NOL4: variants seen among roughly 807,000 people sequenced by gnomAD.
The protein encoded by NOL4 is cancer/testis antigen 125.
In NOL4, 17 loss-of-function variants were observed where a neutral mutation model predicts 75.9. The observed-to-expected ratio is 0.22, with a 90% CI of 0.15 to 0.34. The LOEUF (loss-of-function observed/expected upper bound fraction) is 0.34, where lower values mean the gene tolerates loss of function less well. Ranked by LOEUF, NOL4 falls within the 10% of genes least tolerant of loss-of-function variation. NOL4 has a pLI of 1.00. For missense variants in NOL4, 614 were observed against 793.5 expected (o/e 0.77, Z 2.72); for synonymous variants, 292 against 289.9 (o/e 1.01, Z -0.07).
intron 1 of NOL4, among the ~76,000 whole-genome samples, chr18:34,178,678 T>C (rs2033770240): frequency 6.6e-6 from 1 of 151,654 alleles, no homozygotes; most frequent in African/African-American, 2.4e-5. Flanking sequence ...TATGTGTACT[T>C]AACAACAGAG....
intron 9 of NOL4, among the ~76,000 whole-genome samples, chr18:33,916,400 C>T (rs1325820888): frequency 1.3e-5 from 2 of 152,034 alleles, no homozygotes; most frequent in Admixed American, 6.6e-5. Flanking sequence ...CATTAGGGAC[C>T]GGCGGCTCAT....
rs140348667 is a variant in NOL4, at chr18:34,070,654, A to G, written c.772+22811T>C. ...TGAGTGTAAAATAAAGACACAGCCC[A>G]TAAACAATGGCTGAGAGAATCTGTC... is the stretch of plus-strand genomic sequence containing the variant. On this transcript the variant is annotated intron_variant, in intron 5 of 10. Coordinates refer to ENST00000261592, the MANE Select transcript of NOL4 (RefSeq NM_003787.5). Among the ~76,000 whole-genome samples, 202 of 152,376 alleles carry G rather than the reference A, an allele frequency of 1.3e-3. 7 individuals are homozygous for G. In the East Asian group the frequency reaches 0.035, roughly 26 times the overall value.
At chr18:34,107,479 T>A (rs1313069984) in intron 2 of NOL4, among the ~76,000 whole-genome samples, 1 of 152,060 alleles carries the variant, frequency 6.6e-6, no homozygotes, top group Non-Finnish European at 1.5e-5. Context: ...AATAGTTTTC[T>A]TGGTGTTTAG....
At chr18:34,187,502 G>A (rs1175508400) in intron 1 of NOL4, among the ~76,000 whole-genome samples, 4 of 147,900 alleles carry the variant, frequency 2.7e-5, no homozygotes, top group South Asian at 4.4e-4. Flanking sequence ...TCAGCCTCCC[G>A]CGTAGCTGGG....
rs73416402 is a variant in NOL4 at position 34,093,123 on chromosome 18, G to A, written c.772+342C>T. ...TCATATTTAAATGCTTAATTTAGTC[G>A]GAAGAATGACAGCCCAAGAAATCAA... On this transcript the variant is annotated intron_variant, in intron 5 of 10. Coordinates refer to ENST00000261592, the MANE Select transcript of NOL4 (RefSeq NM_003787.5). Among the ~76,000 whole-genome samples the A allele has an allele frequency of 4.7e-3, 709 of 152,080 alleles. 9 individuals are homozygous for A. Among genetic ancestry groups the A allele is most frequent in the African/African-American group, 0.016 (644 of 41,500 alleles).
intron 1 of NOL4, chr18:34,221,350 ATAAAT>A (rs1416296885): frequency 2.0e-5 from 3 of 152,242 alleles, no homozygotes; most frequent in African/African-American, 4.8e-5. Context: ...AATTCTAACA[ATAAAT>A]TATTTTTCTA....
chr18:34,207,647 C>G (rs2036214593), intron 1 of NOL4, among the ~76,000 whole-genome samples: 1 of 152,170 alleles, frequency 6.6e-6, no homozygotes. Context: ...TCTCTAATTC[C>G]CAACAGATTA....
chr18:33,989,582 G>C (rs906288195), intron 6 of NOL4, among the ~76,000 whole-genome samples: 6 of 152,056 alleles, frequency 3.9e-5, no homozygotes, highest in Admixed American at 3.3e-4. Flanking sequence ...GAGACAGAGG[G>C]AAGATGACAT....
At chr18:34,040,991 A>G (rs1177893972) in intron 5 of NOL4, among the ~76,000 whole-genome samples, 2 of 152,002 alleles carry the variant, frequency 1.3e-5, no homozygotes, top group Admixed American at 6.6e-5. Context: ...CTGATAATCA[A>G]AAATATTCTA....
At chr18:34,160,120 G>A (rs568251082) in intron 1 of NOL4, among the ~76,000 whole-genome samples, 29 of 152,078 alleles carry the variant, frequency 1.9e-4, no homozygotes, top group Non-Finnish European at 3.4e-4. Flanking sequence ...AAGTCAACGG[G>A]GACTCTTGCC....
intron 9 of NOL4, among the ~76,000 whole-genome samples, chr18:33,903,613 C>G (rs187027817): frequency 7.2e-5 from 11 of 152,222 alleles, no homozygotes; most frequent in Non-Finnish European, 1.3e-4. Context: ...TCATGAGACA[C>G]AGGGATAGGC....
intron 5 of NOL4, among the ~76,000 whole-genome samples, chr18:34,050,671 C>T (rs1375729514): frequency 1.3e-5 from 2 of 151,930 alleles, no homozygotes; most frequent in Non-Finnish European, 2.9e-5. Flanking sequence ...TAAATTTTTC[C>T]TCATGTATTA....
intron 1 of NOL4, among the ~76,000 whole-genome samples, chr18:34,144,516 G>A (rs947438196): frequency 6.6e-6 from 1 of 152,056 alleles, no homozygotes; most frequent in African/African-American, 2.4e-5. Flanking sequence ...AAGCTAATTT[G>A]ATAGAAAAAC....
intron 6 of NOL4, among the ~76,000 whole-genome samples, chr18:33,998,338 T>G (rs2073440199): frequency 6.6e-6 from 1 of 152,108 alleles, no homozygotes; most frequent in Non-Finnish European, 1.5e-5. Flanking sequence ...GCCAATTCCC[T>G]TTCAATATAA....
intron 9 of NOL4, among the ~76,000 whole-genome samples, chr18:33,924,178 G>T (rs1363857324): frequency 6.6e-6 from 1 of 152,166 alleles, no homozygotes. Flanking sequence ...ACTATCGGGG[G>T]CAAATATCAG....
intron 2 of NOL4, among the ~76,000 whole-genome samples, chr18:34,127,063 T>G (rs1054848340): frequency 2.0e-5 from 3 of 151,930 alleles, no homozygotes; most frequent in Non-Finnish European, 4.4e-5. Context: ...CTTTACATAT[T>G]CCTAAAATGT....
At chr18:34,032,980 A>T (rs1195261288) in intron 5 of NOL4, among the ~76,000 whole-genome samples, 2 of 152,184 alleles carry the variant, frequency 1.3e-5, no homozygotes, top group Non-Finnish European at 2.9e-5. Context: ...TACAAAGACT[A>T]CACTACCGCA....
intron 1 of NOL4, among the ~76,000 whole-genome samples, chr18:34,215,077 A>T (rs887870220): frequency 2.6e-5 from 4 of 152,196 alleles, no homozygotes; most frequent in African/African-American, 4.8e-5. Flanking sequence ...AGCTCTGGAG[A>T]TCTGTTGCAA....
intron 1 of NOL4, among the ~76,000 whole-genome samples, chr18:34,212,252 C>T (rs543521969): frequency 6.6e-6 from 1 of 152,030 alleles, no homozygotes; most frequent in African/African-American, 2.4e-5. Flanking sequence ...AGTCATTAGT[C>T]ACTAAATATG....
Sources: allele counts gnomAD v4.1 joint callset (sites outside exome capture counted in the v4.1 genomes callset), GRCh38; gene constraint gnomAD v4.1.1; transcripts MANE v1.5; gene names NCBI Gene and HGNC (gene_info 2026-07-23, HGNC 2026-07-21).